CRHR2: variants seen among roughly 807,000 people sequenced by gnomAD.
CRHR2 encodes corticotropin releasing hormone receptor 2.
CRHR2 carries 53 observed loss-of-function variants against 57.9 expected under a neutral mutation model. The ratio of observed to expected loss-of-function variants is 0.92; its 90% CI spans 0.73 to 1.15. CRHR2 has a LOEUF of 1.15. Among genes scored for constraint, CRHR2 ranks in the 50% most tolerant of loss-of-function variants. The pLI is 0.00. For synonymous variants in CRHR2, 213 were observed against 220.9 expected, an observed-to-expected ratio of 0.96 and a Z score of 0.32; for missense variants, 532 against 542.6, an observed-to-expected ratio of 0.98 and a Z score of 0.19.
At chr7:30,681,394 C>T (rs1346617158) in intron 2 of CRHR2, among the ~76,000 whole-genome samples, 1 of 152,174 alleles carries the variant, frequency 6.6e-6, no homozygotes, top group African/African-American at 2.4e-5. Flanking sequence ...GCAGAACCTA[C>T]GCCTGCATGT....
chr7:30,682,309 A>G lies in CRHR2; in HGVS notation c.-29T>C, dbSNP rs1271832409. 1 of 1,526,656 alleles carries G rather than the reference A, an allele frequency of 6.6e-7. No individual in the cohort carries two copies. Among genetic ancestry groups the G allele is most frequent in the East Asian group, 2.6e-5 (1 of 38,180 alleles). 94.6% of individuals were successfully genotyped at this position (1,526,656 alleles called of 1,614,324 possible). A position where few individuals can be genotyped will look rare whatever the true frequency, so the allele number is the denominator to read the frequency against. On this transcript the variant is annotated 5_prime_UTR_variant, in exon 1 of 12. Coordinates refer to ENST00000471646, the MANE Select transcript of CRHR2 (RefSeq NM_001883.5). Reference sequence around the variant, plus strand: ...GTCCCGCAGCCGCGTGCGGAGAGGGAGTGGGAGTGCGCGCCCGGCGTGACT... The same window carrying G: ...GTCCCGCAGCCGCGTGCGGAGAGGGGGTGGGAGTGCGCGCCCGGCGTGACT...
At chr7:30,698,533 G>A (rs892670331) in intron 1 of CRHR2, among the ~76,000 whole-genome samples, 3 of 152,208 alleles carry the variant, frequency 2.0e-5, no homozygotes, top group Non-Finnish European at 2.9e-5. Flanking sequence ...GGGCAGAGGG[G>A]TGGATGGTGA....
chr7:30,697,471 C>A (rs1159242157), intron 1 of CRHR2, among the ~76,000 whole-genome samples: 2 of 152,142 alleles, frequency 1.3e-5, no homozygotes, highest in Non-Finnish European at 2.9e-5. Context: ...CGCCTAACAC[C>A]ACTTAACAGC....
chr7:30,665,691 G>T lies in CRHR2; in HGVS notation c.316-52C>A. Reference sequence around the variant, plus strand: ...GATGGAGGCATGGGCACGTGGGGGTGGGGCTGGGTATTCCAGCCGTGGCCA... The same window carrying T: ...GATGGAGGCATGGGCACGTGGGGGTTGGGCTGGGTATTCCAGCCGTGGCCA... On this transcript the variant is annotated intron_variant, in intron 3 of 11. Coordinates refer to ENST00000471646, the MANE Select transcript of CRHR2 (RefSeq NM_001883.5). The surrounding 1 kb of genome is among the most constrained non-coding windows in gnomAD (Gnocchi z 4.5). The T allele has an allele frequency of 6.8e-7, 1 of 1,472,050 alleles. No individual in the cohort carries two copies. The highest frequency in any genetic ancestry group is 9.3e-7 in the Non-Finnish European group (1 of 1,076,758). The allele number at this position is 1,472,050 out of a possible 1,614,324, so 91.2% of individuals were successfully genotyped here.
In CRHR2 at chr7:30,655,953, G is replaced by A; in HGVS notation, c.891C>T (p.Ser297=). Residue 297 remains serine (S), a synonymous_variant, in exon 9 of 12, where the codon TCC becomes TCT. Coordinates refer to ENST00000471646, the MANE Select transcript of CRHR2 (RefSeq NM_001883.5). Reference sequence around the variant, plus strand: ...TGTACTGGATTGTCTCGGATGTGGTGGACGCGCGTAACTTTGTCATTAGGA... The same window carrying A: ...TGTACTGGATTGTCTCGGATGTGGTAGACGCGCGTAACTTTGTCATTAGGA... ...VRILMTKLRA[S]TTSETIQYRK... 1.2e-6 allele frequency: 2 copies of A among 1,614,114 alleles called. No individual in the cohort carries two copies. The highest frequency in any genetic ancestry group is 2.2e-5 in the East Asian group (1 of 44,880).
chr7:30,659,576 C>A (rs1053453649), intron 8 of CRHR2, among the ~76,000 whole-genome samples: 1 of 152,144 alleles, frequency 6.6e-6, no homozygotes, highest in South Asian at 2.1e-4. Context: ...GCCTCTGAAG[C>A]GAACCAAGCC....
In CRHR2 at chr7:30,681,410, C is replaced by T. The variant is rs1431131379; in HGVS notation, c.229+505G>A. On this transcript the variant is annotated intron_variant, in intron 2 of 11. Coordinates refer to ENST00000471646, the MANE Select transcript of CRHR2 (RefSeq NM_001883.5). ...CAGAACCTACGCCTGCATGTCCTCC[C>T]CACGAAACATGCGCTCGCCCCAGCC... Among the ~76,000 whole-genome samples the T allele has an allele frequency of 2.0e-5, 3 of 152,310 alleles. No individual in the cohort carries two copies. The East Asian group carries it at 5.8e-4, about 29-fold the overall frequency.
intron 1 of CRHR2, among the ~76,000 whole-genome samples, chr7:30,697,005 G>T (rs1785069331): frequency 6.6e-6 from 1 of 152,158 alleles, no homozygotes; most frequent in South Asian, 2.1e-4. Flanking sequence ...AGCTAGTGAG[G>T]CTAGAAAACG....
At chr7:30,657,783 TC>T (rs1783843614) in intron 8 of CRHR2, among the ~76,000 whole-genome samples, 1 of 152,116 alleles carries the variant, frequency 6.6e-6, no homozygotes, top group Admixed American at 6.6e-5. Flanking sequence ...CATCCATCCA[TC>T]CAGCCATTCA....
chr7:30,697,542 C>A (rs1785081988), intron 1 of CRHR2, among the ~76,000 whole-genome samples: 1 of 152,276 alleles, frequency 6.6e-6, no homozygotes, highest in Admixed American at 6.5e-5. Context: ...GAATAGGGAG[C>A]ACCAGGGTCA....
At chr7:30,682,469 G>A (rs940531722), upstream of CRHR2, 4 of 1,328,874 alleles carry the variant, frequency 3.0e-6, no homozygotes, top group African/African-American at 3.1e-5. Flanking sequence ...GGACCTTCCC[G>A]GAGAGGAGCC....
intron 5 of CRHR2, among the ~76,000 whole-genome samples, chr7:30,664,251 G>A (rs780197121): frequency 1.2e-4 from 18 of 152,316 alleles, no homozygotes; most frequent in Middle Eastern, 6.8e-3. Context: ...TGTGCCACAG[G>A]GCTCTGTGAT....
chr7:30,682,399 G>T lies in CRHR2; in HGVS notation c.-119C>A. 1 of 1,372,458 alleles carries T rather than the reference G, an allele frequency of 7.3e-7. No homozygotes were observed. 85.0% of individuals were successfully genotyped at this position (1,372,458 alleles called of 1,614,324 possible). A position where few individuals can be genotyped will look rare whatever the true frequency, so the allele number is the denominator to read the frequency against. On this transcript the variant is annotated 5_prime_UTR_variant, in exon 1 of 12. It adds an upstream start codon to the 5' untranslated region. Transcript: ENST00000471646. ...CGGGGTCCTGGCCCCCGCCAGCCCA[G>T]CCCCGATCTCCCGGGCAGCCTTTGG...
chr7:30,666,588 G>A (rs1006842345), intron 3 of CRHR2, among the ~76,000 whole-genome samples: 11 of 152,222 alleles, frequency 7.2e-5, no homozygotes, highest in Admixed American at 1.3e-4. Flanking sequence ...TTCTCAGGGC[G>A]GGTGAATGTT....
chr7:30,664,451 C>A (rs1393903331), intron 5 of CRHR2, among the ~76,000 whole-genome samples: 1 of 152,154 alleles, frequency 6.6e-6, no homozygotes, highest in East Asian at 1.9e-4. Context: ...GGAAAATGAT[C>A]CCTGCTGGTC....
chr7:30,678,838 T>C (rs910996966), intron 2 of CRHR2, among the ~76,000 whole-genome samples: 2 of 152,158 alleles, frequency 1.3e-5, no homozygotes, highest in Non-Finnish European at 2.9e-5. Flanking sequence ...TCAACCTCAT[T>C]TGCTCTTACA....
intron 2 of CRHR2, among the ~76,000 whole-genome samples, chr7:30,673,255 G>T (rs1224184579): frequency 6.6e-6 from 1 of 151,956 alleles, no homozygotes; most frequent in African/African-American, 2.4e-5. Flanking sequence ...TGTCACCCAG[G>T]TTGGGGGGCA....
In CRHR2 at chr7:30,667,276, C is replaced by A. The variant is rs1265508067; in HGVS notation, c.267G>T (p.Trp89Cys). 1 of 1,614,122 alleles carries A rather than the reference C, an allele frequency of 6.2e-7. No individual in the cohort carries two copies. The highest frequency in any genetic ancestry group is 1.7e-5 in the Admixed American group (1 of 60,022). The change falls in exon 3 of 12, where the codon TGG (tryptophan) becomes TGT (cysteine). Residue 89 changes from tryptophan (W) to cysteine (C), a missense_variant. Coordinates refer to ENST00000471646, the MANE Select transcript of CRHR2 (RefSeq NM_001883.5). ...AYRECLENGT[W>C]ASKINYSQCE... Reference sequence around the variant, plus strand: ...ACTGTGAGTAGTTGATCTTTGAGGCCCACGTCCCATTCTCCAAGCATTCTC... The same window carrying A: ...ACTGTGAGTAGTTGATCTTTGAGGCACACGTCCCATTCTCCAAGCATTCTC...
At chr7:30,693,539 G>A (rs534067005) in intron 1 of CRHR2, among the ~76,000 whole-genome samples, 1 of 152,332 alleles carries the variant, frequency 6.6e-6, no homozygotes, top group African/African-American at 2.4e-5. Context: ...TATATCCTTT[G>A]TGATAGACTT....
Sources: gnomAD v4.1 joint callset for allele counts (sites outside exome capture counted in the v4.1 genomes callset) on GRCh38, gnomAD v4.1.1 for gene constraint, Gnocchi (gnomAD v3.1) non-coding constraint, MANE v1.5 for transcripts, NCBI Gene and HGNC (gene_info 2026-07-23, HGNC 2026-07-21) for gene names.